KLHL21: variants seen among roughly 807,000 people sequenced by gnomAD.
KLHL21 encodes the protein kelch-like protein 21.
In KLHL21, 42 loss-of-function variants were observed where a neutral mutation model predicts 44.1. The ratio of observed to expected loss-of-function variants is 0.95; its 90% CI spans 0.74 to 1.23. KLHL21 has a LOEUF of 1.23. KLHL21 is among the 50% of genes most tolerant of loss of function. The probability of loss-of-function intolerance (pLI) is 0.00; values close to 1 mark genes in which losing one functional copy is unlikely to be tolerated. For missense variants in KLHL21, 918 were observed against 889.1 expected, an observed-to-expected ratio of 1.03 and a Z score of -0.41; for synonymous variants, 524 against 411.6, an observed-to-expected ratio of 1.27 and a Z score of -3.31.
At chr1:6,597,461 G>A (rs1640943594) in intron 2 of KLHL21, among the ~76,000 whole-genome samples, 1 of 152,220 alleles carries the variant, frequency 6.6e-6, no homozygotes, top group Non-Finnish European at 1.5e-5. Flanking sequence ...ACAACTTGGG[G>A]GAGGGAGAGC....
chr1:6,599,079 A>C lies in KLHL21; in HGVS notation c.1395T>G (p.Thr465=). 1 of 1,605,254 alleles carries C rather than the reference A, an allele frequency of 6.2e-7. No homozygotes were observed. Among genetic ancestry groups the C allele is most frequent in the Non-Finnish European group, 8.5e-7 (1 of 1,175,448 alleles). The stretch of plus-strand genomic sequence containing the variant: ...AGTACATGAGTCCGTTTAGAGTCGC[A>C]GTCTTGGGGGCGAAGGACCAGGGCG... ...QLPPWSFAPK[T]ATLNGLMYFV... The change falls in exon 2 of 4, where the codon ACT becomes ACG. Residue 465 remains threonine, a synonymous_variant. Coordinates refer to ENST00000377658, the MANE Select transcript of KLHL21 (RefSeq NM_014851.4).
intron 2 of KLHL21, among the ~76,000 whole-genome samples, chr1:6,597,956 G>A (rs1203567727): frequency 6.6e-6 from 1 of 152,246 alleles, no homozygotes; most frequent in African/African-American, 2.4e-5. Flanking sequence ...GCTGTGACCA[G>A]ACAGGTCATC....
At chr1:6,601,300 G>C (rs1444313272) in intron 1 of KLHL21, among the ~76,000 whole-genome samples, 1 of 152,158 alleles carries the variant, frequency 6.6e-6, no homozygotes, top group African/African-American at 2.4e-5. Flanking sequence ...TGTGACCAGA[G>C]CACAGAGCCT....
At position 6,591,986 on chromosome 1, in the gene KLHL21, G is replaced by A. The variant is rs1454181434; in HGVS notation, c.*1379C>T. ...CATGAACTGTGGTCATACCAGCCAG[G>A]GCGTTCTAGGACAAGACTTCCTAAC... On this transcript the variant is annotated 3_prime_UTR_variant, in exon 4 of 4. Coordinates refer to ENST00000377658, the MANE Select transcript of KLHL21 (RefSeq NM_014851.4). 2 of 152,278 alleles carry A rather than the reference G, an allele frequency of 1.3e-5. No homozygotes were observed. Among genetic ancestry groups the A allele is most frequent in the African/African-American group, 4.8e-5 (2 of 41,456 alleles). 9.4% of individuals were successfully genotyped at this position (152,278 alleles called of 1,614,324 possible). A position where few individuals can be genotyped will look rare whatever the true frequency, so the allele number is the denominator to read the frequency against.
chr1:6,593,756 C>G lies in KLHL21; in HGVS notation c.1501-98G>C, dbSNP rs1640887602. Reference sequence around the variant, plus strand: ...GGAGACAAGGCATGCCCTGTCAGTACCCCAGAGGGGTGGCCTTGGCTCTCC... The same window carrying G: ...GGAGACAAGGCATGCCCTGTCAGTAGCCCAGAGGGGTGGCCTTGGCTCTCC... On this transcript the variant is annotated intron_variant, in intron 3 of 3. Transcript: ENST00000377658. 2.1e-6 allele frequency: 3 copies of G among 1,436,350 alleles called. No individual in the cohort carries two copies. The African/African-American group carries it at 4.3e-5, about 21-fold the overall frequency. The allele number at this position is 1,436,350 out of a possible 1,614,324, so 89.0% of individuals were successfully genotyped here.
rs987667626 is a variant in KLHL21, at chr1:6,591,615, C to T, written c.*1750G>A. On this transcript the variant is annotated 3_prime_UTR_variant, in exon 4 of 4. Coordinates refer to ENST00000377658, the MANE Select transcript of KLHL21 (RefSeq NM_014851.4). ...CTGCTGACAAGGGAGACAAGCTGCC[C>T]CGCTGAACTCCAACAACCTCTGGGT... is the stretch of plus-strand genomic sequence containing the variant. 6.6e-6 allele frequency: 1 copy of T among 152,414 alleles called. No homozygotes were observed. Among genetic ancestry groups the T allele is most frequent in the Admixed American group, 6.5e-5 (1 of 15,280 alleles). 9.4% of individuals were successfully genotyped at this position (152,414 alleles called of 1,614,324 possible).
chr1:6,602,596 G>C lies in KLHL21; in HGVS notation c.222C>G (p.Ala74=). 1 of 1,527,164 alleles carries C rather than the reference G, an allele frequency of 6.5e-7. No individual in the cohort carries two copies. Among genetic ancestry groups the C allele is most frequent in the Non-Finnish European group, 8.8e-7 (1 of 1,142,184 alleles). The allele number at this position is 1,527,164 out of a possible 1,614,324, so 94.6% of individuals were successfully genotyped here. A position where few individuals can be genotyped will look rare whatever the true frequency, so the allele number is the denominator to read the frequency against. ...MFAGQLRESR[A]ERVRLHGVPP... ...GCACTCCGTGCAGGCGCACCCGCTC[G>C]GCGCGGCTCTCGCGCAGCTGCCCCG... Residue 74 remains alanine, a synonymous_variant, in exon 1 of 4, where the codon GCC becomes GCG. Coordinates refer to ENST00000377658, the MANE Select transcript of KLHL21 (RefSeq NM_014851.4).
At position 6,602,001 on chromosome 1, in the gene KLHL21, A is replaced by G; in HGVS notation, c.817T>C (p.Cys273Arg). 1 of 1,546,644 alleles carries G rather than the reference A, an allele frequency of 6.5e-7. No individual in the cohort carries two copies. Among genetic ancestry groups the G allele is most frequent in the Non-Finnish European group, 8.7e-7 (1 of 1,144,128 alleles). Residue 273 changes from cysteine (C) to arginine (R), a missense_variant, in exon 1 of 4, where the codon TGT (cysteine) becomes CGT (arginine). Physicochemically the swap from Cys to Arg is radical, Grantham distance 180. Transcript: ENST00000377658. Reference sequence around the variant, plus strand: ...GACGGGCGAGGACGCATTCGGGGACAGGGCCCGCGGTCGTGGCGGTCGTAG... The same window carrying G: ...GACGGGCGAGGACGCATTCGGGGACGGGGCCCGCGGTCGTGGCGGTCGTAG... ...ARYDRHDRGP[C>R]PRMRPRPSTG... is the part of the protein sequence containing the mutation.
At position 6,602,106 on chromosome 1, in the gene KLHL21, C is replaced by T. The variant is rs1486077385; in HGVS notation, c.712G>A (p.Val238Ile). 6 of 1,471,194 alleles carry T rather than the reference C, an allele frequency of 4.1e-6. No individual in the cohort carries two copies. The highest frequency in any genetic ancestry group is 4.5e-6 in the Non-Finnish European group (5 of 1,117,528). 91.1% of individuals were successfully genotyped at this position (1,471,194 alleles called of 1,614,324 possible). The change falls in exon 1 of 4, where the codon GTC becomes ATC. Residue 238 changes from valine to isoleucine, a missense_variant. By Grantham distance (29) the Val-to-Ile change is conservative (BLOSUM62 3). Coordinates refer to ENST00000377658, the MANE Select transcript of KLHL21 (RefSeq NM_014851.4). ...CGCGCCACCAGCGGCTCGGCCTCGA[C>T]GTGCGCCAACAGGTAGAAGCGGCGC... is the stretch of plus-strand genomic sequence containing the variant. ...FVRRFYLLAH[V>I]EAEPLVARCP...
Position 6,602,857 on chromosome 1 carries a change from C to T in KLHL21, c.-40G>A, listed in dbSNP as rs1305078644. The T allele has an allele frequency of 3.6e-6, 5 of 1,381,184 alleles. No homozygotes were observed. In the African/African-American group the frequency reaches 7.7e-5, roughly 21 times the overall value. 85.6% of individuals were successfully genotyped at this position (1,381,184 alleles called of 1,614,324 possible). ...GTTGTCGAGGACGCCGCGGCCGGGG[C>T]CTGCGGAGAGACGCGGCGCGCTAGG... is the stretch of plus-strand genomic sequence containing the variant. On this transcript the variant is annotated 5_prime_UTR_variant, in exon 1 of 4. Transcript: ENST00000377658.
intron 1 of KLHL21, among the ~76,000 whole-genome samples, chr1:6,600,476 C>T (rs1641000811): frequency 1.3e-5 from 2 of 152,228 alleles, no homozygotes; most frequent in South Asian, 4.1e-4. Context: ...CCCTTGGCCT[C>T]CCAGGCTGGC....
chr1:6,593,232 G>C lies in KLHL21; in HGVS notation c.*133C>G. 3.2e-6 allele frequency: 3 copies of C among 946,734 alleles called. No homozygotes were observed. The South Asian group carries it at 5.3e-5, about 17-fold the overall frequency. 58.6% of individuals were successfully genotyped at this position (946,734 alleles called of 1,614,324 possible). ...AGAAACCTTCCAGGTAATGGATCCTGGGCTGGCTTCGCCACCCAAGAGCCT... is the reference window on the plus strand; with the variant it reads ...AGAAACCTTCCAGGTAATGGATCCTCGGCTGGCTTCGCCACCCAAGAGCCT... On this transcript the variant is annotated 3_prime_UTR_variant, in exon 4 of 4. Coordinates refer to ENST00000377658, the MANE Select transcript of KLHL21 (RefSeq NM_014851.4).
intron 3 of KLHL21, chr1:6,594,825 G>A (rs1011856050): frequency 1.3e-5 from 2 of 152,480 alleles, no homozygotes; most frequent in South Asian, 2.1e-4. Context: ...GGCCAGGAGT[G>A]TGAGACCAGC....
At chr1:6,595,268 C>T (rs1640908422) in intron 3 of KLHL21, 2 of 646,438 alleles carry the variant, frequency 3.1e-6, no homozygotes, top group Admixed American at 4.7e-5. Flanking sequence ...ATAAACACTG[C>T]TCAAATGTGT....
Position 6,602,091 on chromosome 1 carries a change from G to T in KLHL21, c.727C>A (p.Leu243Met). 1 of 1,483,682 alleles carries T rather than the reference G, an allele frequency of 6.7e-7. No homozygotes were observed. The highest frequency in any genetic ancestry group is 2.7e-5 in the East Asian group (1 of 36,930). 91.9% of individuals were successfully genotyped at this position (1,483,682 alleles called of 1,614,324 possible). A position where few individuals can be genotyped will look rare whatever the true frequency, so the allele number is the denominator to read the frequency against. The part of the protein sequence containing the change: ...YLLAHVEAEP[L>M]VARCPPCLRL... ...AGGCAGGGTGGGCAGCGCGCCACCA[G>T]CGGCTCGGCCTCGACGTGCGCCAAC... The change falls in exon 1 of 4, where the codon CTG (leucine) becomes ATG (methionine). Residue 243 changes from leucine (L) to methionine (M), a missense_variant. Transcript: ENST00000377658.
At chr1:6,601,064 T>A (rs920440201) in intron 1 of KLHL21, among the ~76,000 whole-genome samples, 1 of 152,180 alleles carries the variant, frequency 6.6e-6, no homozygotes, top group South Asian at 2.1e-4. Flanking sequence ...TCTTTCCTTA[T>A]ATAGCAGTCA....
chr1:6,602,786 G>A lies in KLHL21; in HGVS notation c.32C>T (p.Pro11Leu). The A allele has an allele frequency of 2.7e-6, 4 of 1,475,368 alleles. No homozygotes were observed. The highest frequency in any genetic ancestry group is 3.6e-6 in the Non-Finnish European group (4 of 1,123,114). 91.4% of individuals were successfully genotyped at this position (1,475,368 alleles called of 1,614,324 possible). A position where few individuals can be genotyped will look rare whatever the true frequency, so the allele number is the denominator to read the frequency against. MERPAPLAVL[P>L]FSDPAHALSL... Reference sequence around the variant, plus strand: ...CAGGGCGTGCGCGGGGTCCGAGAAGGGAAGCACGGCCAGGGGCGCCGGTCG... The same window carrying A: ...CAGGGCGTGCGCGGGGTCCGAGAAGAGAAGCACGGCCAGGGGCGCCGGTCG... Residue 11 changes from proline to leucine, a missense_variant, in exon 1 of 4, where the codon CCC becomes CTC. Coordinates refer to ENST00000377658, the MANE Select transcript of KLHL21 (RefSeq NM_014851.4).
rs1641032106 is a variant in KLHL21 at position 6,602,089 on chromosome 1, C to A, written c.729G>T (p.Leu243=). ...GCAGGCAGGGTGGGCAGCGCGCCAC[C>A]AGCGGCTCGGCCTCGACGTGCGCCA... ...YLLAHVEAEP[L]VARCPPCLRL... Residue 243 remains leucine, a synonymous_variant, in exon 1 of 4, where the codon CTG becomes CTT. Transcript: ENST00000377658. 4 of 1,484,222 alleles carry A rather than the reference C, an allele frequency of 2.7e-6. No individual in the cohort carries two copies. The highest frequency in any genetic ancestry group is 3.6e-6 in the Non-Finnish European group (4 of 1,121,900). The allele number at this position is 1,484,222 out of a possible 1,614,324, so 91.9% of individuals were successfully genotyped here.
Position 6,593,563 on chromosome 1 carries a change from G to T in KLHL21, c.1596C>A (p.Ala532=). ...TCCACGCGCGAGTCTCTGGGTCATA[G>T]GCCTCTACCACGTCCGAGAGTTCAA... is the stretch of plus-strand genomic sequence containing the variant. ...NTFELSDVVE[A]YDPETRAWSV... Residue 532 remains alanine, a synonymous_variant, in exon 4 of 4, where the codon GCC becomes GCA. Transcript: ENST00000377658. 1 of 1,614,016 alleles carries T rather than the reference G, an allele frequency of 6.2e-7. No homozygotes were observed. The highest frequency in any genetic ancestry group is 8.5e-7 in the Non-Finnish European group (1 of 1,179,998).
Sources: gnomAD v4.1 joint callset for allele counts (sites outside exome capture counted in the v4.1 genomes callset) on GRCh38, gnomAD v4.1.1 for gene constraint, MANE v1.5 for transcripts, NCBI Gene and HGNC (gene_info 2026-07-23, HGNC 2026-07-21) for gene names.